The following ZNF592 variants were observed in gnomAD, a reference collection of about 807,000 sequenced individuals.
ZNF592 encodes zinc finger protein 592.
ZNF592 carries 11 observed loss-of-function variants against 80.3 expected under a neutral mutation model. The observed-to-expected ratio is 0.14, with a 90% confidence interval of 0.09 to 0.23. The LOEUF (loss-of-function observed/expected upper bound fraction) is 0.23, where lower values mean the gene tolerates loss of function less well. Among genes scored for constraint, ZNF592 ranks in the 10% least tolerant of loss-of-function variants. The probability of loss-of-function intolerance (pLI) is 1.00; values close to 1 mark genes in which losing one functional copy is unlikely to be tolerated. For missense variants in ZNF592, 1,420 were observed against 1,633.9 expected (o/e 0.87, Z 2.26); for synonymous variants, 646 against 640.3 (o/e 1.01, Z -0.13).
At position 84,798,145 on chromosome 15, in the gene ZNF592, G is replaced by C. The variant is rs1342889799; in HGVS notation, c.2576+100G>C. 6.4e-7 allele frequency: 1 copy of C among 1,568,838 alleles called. No homozygotes were observed. Among genetic ancestry groups the C allele is most frequent in the Non-Finnish European group, 8.7e-7 (1 of 1,152,928 alleles). On this transcript the variant is annotated intron_variant, in intron 6 of 10. Transcript: ENST00000560079. This position sits in a 1 kb window ranked among gnomAD's most constrained non-coding sequence, Gnocchi z 4.5. Reference sequence around the variant, plus strand: ...GGGATGGGTGAGGGAGCTGGGGTTAGTGGCAGAGGTGCCTGGGGTCGTACT... The same window carrying C: ...GGGATGGGTGAGGGAGCTGGGGTTACTGGCAGAGGTGCCTGGGGTCGTACT...
intron 2 of ZNF592, among the ~76,000 whole-genome samples, chr15:84,772,312 G>A (rs1567064148): frequency 6.6e-6 from 1 of 152,116 alleles, no homozygotes. Flanking sequence ...GCTTACTCTT[G>A]AACTTGTTTG....
rs1347216342 is a variant in ZNF592 at position 84,804,213 on chromosome 15, C to T, written c.*1820C>T. ...GCAACCCAGGCCTGTTTCCAGCTAC[C>T]TGCAAAGCCAGACCTAGACCTGCCG... is the stretch of plus-strand genomic sequence containing the variant. On this transcript the variant is annotated 3_prime_UTR_variant, in exon 11 of 11. Transcript: ENST00000560079. The T allele has an allele frequency of 6.6e-6, 1 of 152,250 alleles. No individual in the cohort carries two copies. Among genetic ancestry groups the T allele is most frequent in the African/African-American group, 2.4e-5 (1 of 41,466 alleles). 9.4% of individuals were successfully genotyped at this position (152,250 alleles called of 1,614,324 possible). A position where few individuals can be genotyped will look rare whatever the true frequency, so the allele number is the denominator to read the frequency against.
At position 84,773,962 on chromosome 15, in the gene ZNF592, T is replaced by A. The variant is rs140583528; in HGVS notation, c.-149-4221T>A. On this transcript the variant is annotated intron_variant, in intron 2 of 10. Coordinates refer to ENST00000560079, the MANE Select transcript of ZNF592 (RefSeq NM_014630.3). ...GTTCTGCTTTGCTTAGAGTGTTCTT[T>A]CTGATAATGCCTAGCATTTTCTGGG... is the stretch of plus-strand genomic sequence containing the variant. Among the ~76,000 whole-genome samples the A allele has an allele frequency of 9.5e-4, 144 of 152,348 alleles. 5 individuals are homozygous for A. In the East Asian group the frequency reaches 0.02, roughly 21 times the overall value.
chr15:84,786,174 C>T (rs1215604857), intron 4 of ZNF592, among the ~76,000 whole-genome samples: 3 of 152,116 alleles, frequency 2.0e-5, no homozygotes, highest in African/African-American at 4.8e-5. Flanking sequence ...CAGGGGATGC[C>T]GGCAGAAGGG....
chr15:84,790,340 G>A (rs748385301), intron 4 of ZNF592, among the ~76,000 whole-genome samples: 7 of 152,092 alleles, frequency 4.6e-5, no homozygotes, highest in Non-Finnish European at 8.8e-5. Flanking sequence ...CAGAGACCCT[G>A]GTGGGTCTAG....
intron 1 of ZNF592, among the ~76,000 whole-genome samples, chr15:84,763,105 C>T (rs1174598860): frequency 6.6e-6 from 1 of 152,172 alleles, no homozygotes; most frequent in African/African-American, 2.4e-5. Flanking sequence ...TGAAAACTGA[C>T]CTGCTGGTTT....
intron 1 of ZNF592, among the ~76,000 whole-genome samples, chr15:84,763,855 A>G (rs1225829089): frequency 6.6e-6 from 1 of 152,222 alleles, no homozygotes; most frequent in African/African-American, 2.4e-5. Context: ...ATGGGCCGTT[A>G]ACCAGTGTTT....
At chr15:84,760,147 C>T (rs1045121416) in intron 1 of ZNF592, among the ~76,000 whole-genome samples, 2 of 151,846 alleles carry the variant, frequency 1.3e-5, no homozygotes, top group African/African-American at 4.8e-5. Flanking sequence ...AAAAGAACCA[C>T]CTACAACAAA....
intron 1 of ZNF592, among the ~76,000 whole-genome samples, chr15:84,758,196 A>G (rs1435309597): frequency 2.0e-5 from 3 of 148,314 alleles, no homozygotes; most frequent in Non-Finnish European, 4.5e-5. Context: ...GCTGGTCTCG[A>G]ACTTCTGACC....
At chr15:84,777,848 C>T (rs1455880894) in intron 2 of ZNF592, among the ~76,000 whole-genome samples, 2 of 151,888 alleles carry the variant, frequency 1.3e-5, no homozygotes, top group Non-Finnish European at 2.9e-5. Flanking sequence ...TATAGGCGCC[C>T]ACCACCACGC....
At chr15:84,750,243 C>G (rs1397176177) in intron 1 of ZNF592, among the ~76,000 whole-genome samples, 1 of 152,214 alleles carries the variant, frequency 6.6e-6, no homozygotes. Flanking sequence ...GCGGAGGTTG[C>G]AGTGACCTGA....
In ZNF592 at chr15:84,798,716, C is replaced by A. The variant is rs1474880818; in HGVS notation, c.2865C>A (p.Ser955Arg). Residue 955 changes from serine to arginine, a missense_variant, in exon 8 of 11, where the codon AGC (serine) becomes AGA (arginine). Coordinates refer to ENST00000560079, the MANE Select transcript of ZNF592 (RefSeq NM_014630.3). The surrounding 1 kb of genome is among the most constrained non-coding windows in gnomAD (Gnocchi z 4.5). ...CAGCCACTAGTGTGGCTGCTCGGAG[C>A]AGCTCCCTGCCTTCTGGCCGCTGGG... is the stretch of plus-strand genomic sequence containing the variant. ...EPPATSVAAR[S>R]SSLPSGRWGR... 5 of 1,612,622 alleles carry A rather than the reference C, an allele frequency of 3.1e-6. No individual in the cohort carries two copies. The highest frequency in any genetic ancestry group is 1.3e-5 in the African/African-American group (1 of 74,958).
chr15:84,767,446 A>G (rs1899562958), intron 2 of ZNF592, among the ~76,000 whole-genome samples: 1 of 152,050 alleles, frequency 6.6e-6, no homozygotes, highest in Admixed American at 6.6e-5. Context: ...TGCATTTACA[A>G]AGTTTACTGG....
chr15:84,786,327 C>T (rs1975277), intron 4 of ZNF592, among the ~76,000 whole-genome samples: 87,532 of 152,046 alleles, frequency 0.58, 26,830 homozygotes, highest in East Asian at 0.8. Flanking sequence ...GACTAATTCA[C>T]GATGACTCCA....
intron 2 of ZNF592, among the ~76,000 whole-genome samples, chr15:84,776,802 A>G (rs1962265141): frequency 6.6e-6 from 1 of 152,068 alleles, no homozygotes; most frequent in Admixed American, 6.5e-5. Flanking sequence ...CTGTAATCTC[A>G]GCACTTTGGG....
chr15:84,768,802 C>T (rs1341423647), intron 2 of ZNF592, among the ~76,000 whole-genome samples: 2 of 152,182 alleles, frequency 1.3e-5, no homozygotes, highest in Non-Finnish European at 2.9e-5. Context: ...CTGAAGGTCT[C>T]TCTAAAATTT....
At chr15:84,763,668 ATT>A (rs1899416381) in intron 1 of ZNF592, among the ~76,000 whole-genome samples, 2 of 152,184 alleles carry the variant, frequency 1.3e-5, no homozygotes, top group South Asian at 2.1e-4. Context: ...TCCCTTCTAC[ATT>A]TTTACATTAA....
At chr15:84,795,687 T>C (rs1050676987) in intron 5 of ZNF592, among the ~76,000 whole-genome samples, 3 of 152,224 alleles carry the variant, frequency 2.0e-5, no homozygotes, top group Non-Finnish European at 4.4e-5. Flanking sequence ...TTCTGTGTGC[T>C]AGAAGTTGGT....
intron 2 of ZNF592, among the ~76,000 whole-genome samples, chr15:84,770,839 T>G (rs1262532522): frequency 1.3e-5 from 2 of 152,198 alleles, no homozygotes; most frequent in Non-Finnish European, 2.9e-5. Flanking sequence ...AGACAGGCAT[T>G]TGGAAGCCCC....
Sources: gnomAD v4.1 joint callset for allele counts (sites outside exome capture counted in the v4.1 genomes callset) on GRCh38, gnomAD v4.1.1 for gene constraint, Gnocchi (gnomAD v3.1) non-coding constraint, MANE v1.5 for transcripts, NCBI Gene and HGNC (gene_info 2026-07-23, HGNC 2026-07-21) for gene names.